TMEM17: variants seen among roughly 807,000 people sequenced by gnomAD.
TMEM17 encodes transmembrane protein 17.
TMEM17 carries 15 observed loss-of-function variants against 19.1 expected under a neutral mutation model. That is an observed-to-expected ratio of 0.78 (90% CI 0.52 to 1.21). TMEM17 has a LOEUF of 1.21. Among genes scored for constraint, TMEM17 ranks in the 50% most tolerant of loss-of-function variants. TMEM17 has a pLI of 0.00. For missense variants in TMEM17, 245 were observed against 242.3 expected (o/e 1.01, Z -0.07); for synonymous variants, 103 against 86.9 (o/e 1.19, Z -1.03).
chr2:62,483,546 C>G, the TMEM17 span, among the ~76,000 whole-genome samples: 1 of 151,958 alleles, frequency 6.6e-6, no homozygotes, highest in East Asian at 1.9e-4. Flanking sequence ...CCCCCAAATC[C>G]TAAACCCTAG....
chr2:62,470,137 A>C, the TMEM17 span, among the ~76,000 whole-genome samples: 7 of 152,144 alleles, frequency 4.6e-5, no homozygotes, highest in Non-Finnish European at 7.3e-5. Context: ...TGGCATAATT[A>C]CATCTTGATT....
chr2:62,461,535 C>T, the TMEM17 span, among the ~76,000 whole-genome samples: 4 of 152,174 alleles, frequency 2.6e-5, no homozygotes, highest in Non-Finnish European at 4.4e-5. Context: ...GTCTTCCTCT[C>T]CTTGGCCCAA....
At chr2:62,461,628 G>A in the TMEM17 span, among the ~76,000 whole-genome samples, 1 of 152,166 alleles carries the variant, frequency 6.6e-6, no homozygotes. Flanking sequence ...CCAGGACTAA[G>A]GATGGCCCAG....
Position 62,506,038 on chromosome 2 carries a change from T to A in TMEM17, c.92A>T (p.Glu31Val), listed in dbSNP as rs1409787688. The change falls in exon 1 of 4, where the codon GAG (glutamate) becomes GTG (valine). Residue 31 changes from glutamate (E) to valine (V), a missense_variant. Coordinates refer to ENST00000335390, the MANE Select transcript of TMEM17 (RefSeq NM_198276.3). ...GGGCCTCGGTCACTCACCCGGACCC[T>A]CATTGGACTCTGGACCGGTCCGATT... ...DSNRTGPESN[E>V]GPENEMVSSL... The A allele has an allele frequency of 1.2e-6, 2 of 1,610,156 alleles. No homozygotes were observed. Among genetic ancestry groups the A allele is most frequent in the South Asian group, 2.2e-5 (2 of 90,190 alleles).
chr2:62,461,363 A>G, the TMEM17 span, among the ~76,000 whole-genome samples: 2 of 151,886 alleles, frequency 1.3e-5, no homozygotes, highest in East Asian at 3.9e-4. Context: ...CAGGCTCTGC[A>G]CCTCCAGTTC....
chr2:62,492,089 G>A, the TMEM17 span, among the ~76,000 whole-genome samples: 1 of 152,142 alleles, frequency 6.6e-6, no homozygotes, highest in Non-Finnish European at 1.5e-5. Context: ...AGGGTCCAAG[G>A]CTGAGCAATG....
At chr2:62,453,812 C>T in the TMEM17 span, among the ~76,000 whole-genome samples, 3 of 152,172 alleles carry the variant, frequency 2.0e-5, no homozygotes, top group East Asian at 3.9e-4. Flanking sequence ...CCACGGTTTG[C>T]TTGCTTTTAT....
chr2:62,463,068 A>T, the TMEM17 span: 1 of 152,258 alleles, frequency 6.6e-6, no homozygotes, highest in Non-Finnish European at 1.5e-5. Context: ...GCTACCAGTC[A>T]GTCCACAAGC....
downstream of TMEM17, among the ~76,000 whole-genome samples, chr2:62,499,025 G>A (rs1262864263): frequency 6.6e-6 from 1 of 151,986 alleles, no homozygotes; most frequent in Non-Finnish European, 1.5e-5. Context: ...AAAAAACCAT[G>A]GTTTTATTGT....
chr2:62,480,774 T>C, the TMEM17 span, among the ~76,000 whole-genome samples: 3 of 152,228 alleles, frequency 2.0e-5, no homozygotes, highest in Non-Finnish European at 4.4e-5. Flanking sequence ...TCTATGTCTG[T>C]TTTTATGCCA....
chr2:62,487,757 C>T, the TMEM17 span, among the ~76,000 whole-genome samples: 138 of 152,312 alleles, frequency 9.1e-4, no homozygotes, highest in Non-Finnish European at 1.6e-3. Flanking sequence ...TGCAGTGGTG[C>T]GATCTCGGCT....
chr2:62,488,792 CTTTTTT>C, the TMEM17 span, among the ~76,000 whole-genome samples: 3 of 119,024 alleles, frequency 2.5e-5, no homozygotes, highest in African/African-American at 6.6e-5. Context: ...TTTTATTCTA[CTTTTTT>C]TTTTTTTTTT....
At chr2:62,462,833 G>A in the TMEM17 span, among the ~76,000 whole-genome samples, 2 of 152,060 alleles carry the variant, frequency 1.3e-5, no homozygotes, top group Non-Finnish European at 1.5e-5. Flanking sequence ...CCTTTTCTCT[G>A]AAACTTTCTC....
chr2:62,472,045 G>A, the TMEM17 span, among the ~76,000 whole-genome samples: 1 of 152,358 alleles, frequency 6.6e-6, no homozygotes, highest in East Asian at 1.9e-4. Context: ...GCCAACCTTG[G>A]CGGGGTTTCA....
At chr2:62,502,415 G>A in intron 3 of TMEM17, 22 bp downstream of exon 3, 1 of 1,486,862 alleles carries the variant, frequency 6.7e-7, no homozygotes, top group Non-Finnish European at 9.4e-7. Context: ...CTATCACTGA[G>A]AGAAAGGAAA....
At chr2:62,473,887 G>A in the TMEM17 span, among the ~76,000 whole-genome samples, 1 of 152,244 alleles carries the variant, frequency 6.6e-6, no homozygotes, top group Admixed American at 6.5e-5. Context: ...TCTTCTTGGA[G>A]GATCCCAAGC....
At chr2:62,482,026 A>G in the TMEM17 span, among the ~76,000 whole-genome samples, 1 of 152,186 alleles carries the variant, frequency 6.6e-6, no homozygotes, top group African/African-American at 2.4e-5. Context: ...AAGTTGGAGA[A>G]GCTGAAGAAG....
the TMEM17 span, among the ~76,000 whole-genome samples, chr2:62,487,152 C>G: frequency 6.6e-6 from 1 of 152,154 alleles, no homozygotes; most frequent in Admixed American, 6.5e-5. Context: ...CAAAATGGAT[C>G]TCACTGGTCT....
chr2:62,476,193 C>T, the TMEM17 span, among the ~76,000 whole-genome samples: 2 of 150,712 alleles, frequency 1.3e-5, no homozygotes, highest in South Asian at 4.1e-4. Context: ...CACAAAAATG[C>T]CCATTTTCTA....
Sources: gnomAD v4.1 joint callset for allele counts (sites outside exome capture counted in the v4.1 genomes callset) on GRCh38, gnomAD v4.1.1 for gene constraint, MANE v1.5 for transcripts, NCBI Gene and HGNC (gene_info 2026-07-23, HGNC 2026-07-21) for gene names.